GNAZ: variants seen among roughly 807,000 people sequenced by gnomAD.
GNAZ encodes G protein subunit alpha z, also known as guanine nucleotide-binding protein G(z) subunit alpha.
In GNAZ, 3 loss-of-function variants were observed where a neutral mutation model predicts 25.4. That is an observed-to-expected ratio of 0.12 (90% CI 0.05 to 0.30). The LOEUF (loss-of-function observed/expected upper bound fraction) is 0.30, where lower values mean the gene tolerates loss of function less well. GNAZ is among the 10% of genes least tolerant of loss of function. The pLI is 1.00. For missense variants in GNAZ, 241 were observed against 501.8 expected, an observed-to-expected ratio of 0.48 and a Z score of 4.97; for synonymous variants, 211 against 205.7, an observed-to-expected ratio of 1.03 and a Z score of -0.22.
At chr22:23,108,048 G>A (rs1422946447) in intron 2 of GNAZ, among the ~76,000 whole-genome samples, 2 of 152,136 alleles carry the variant, frequency 1.3e-5, no homozygotes, top group African/African-American at 4.8e-5. Context: ...CTGGGTGTGA[G>A]GCCTGTGCCC....
intron 2 of GNAZ, among the ~76,000 whole-genome samples, chr22:23,103,664 G>A (rs751902571): frequency 6.6e-6 from 1 of 152,230 alleles, no homozygotes; most frequent in Non-Finnish European, 1.5e-5. Context: ...ACCACAAGCT[G>A]GGGGCCATCT....
At chr22:23,105,664 C>T (rs574958772) in intron 2 of GNAZ, among the ~76,000 whole-genome samples, 2 of 152,344 alleles carry the variant, frequency 1.3e-5, no homozygotes, top group Admixed American at 6.5e-5. Context: ...ATGGTGATGG[C>T]GTGCAAGCTC....
At chr22:23,072,268 C>T (rs1053874337) in intron 1 of GNAZ, among the ~76,000 whole-genome samples, 20 of 152,052 alleles carry the variant, frequency 1.3e-4, no homozygotes, top group African/African-American at 4.6e-4. Flanking sequence ...GAGCAGTAAT[C>T]GTGGCAGCCT....
chr22:23,115,953 G>A (rs999747555), intron 2 of GNAZ, among the ~76,000 whole-genome samples: 2 of 152,220 alleles, frequency 1.3e-5, no homozygotes, highest in East Asian at 1.9e-4. Context: ...AAGGCAGTGC[G>A]GTTGGCTGAG....
chr22:23,094,616 A>G (rs2069072948), intron 1 of GNAZ, among the ~76,000 whole-genome samples: 1 of 152,166 alleles, frequency 6.6e-6, no homozygotes. Context: ...GCCCCTGCCC[A>G]CTGTGCTTAG....
In GNAZ at chr22:23,123,195, A is replaced by G. The variant is rs1401045732; in HGVS notation, c.832A>G (p.Lys278Glu). Residue 278 changes from lysine (K) to glutamate (E), a missense_variant, in exon 3 of 3, where the codon AAG (lysine) becomes GAG (glutamate). Coordinates refer to ENST00000615612, the MANE Select transcript of GNAZ (RefSeq NM_002073.4). ...FLNKKDLLAE[K>E]IRRIPLTICF... ...GAACAAGAAGGACCTGCTGGCAGAGAAGATCCGCCGCATCCCGCTCACCAT... is the reference window on the plus strand; with the variant it reads ...GAACAAGAAGGACCTGCTGGCAGAGGAGATCCGCCGCATCCCGCTCACCAT... The G allele has an allele frequency of 6.2e-7, 1 of 1,613,802 alleles. No homozygotes were observed. Among genetic ancestry groups the G allele is most frequent in the Non-Finnish European group, 8.5e-7 (1 of 1,179,810 alleles).
At chr22:23,113,654 C>T (rs2069724137) in intron 2 of GNAZ, among the ~76,000 whole-genome samples, 1 of 152,256 alleles carries the variant, frequency 6.6e-6, no homozygotes, top group Non-Finnish European at 1.5e-5. Flanking sequence ...AGGGGGCCAA[C>T]ACCACAGGCC....
Position 23,095,767 on chromosome 22 carries a change from C to T in GNAZ, c.72C>T (p.Arg24=), listed in dbSNP as rs750672970. 1.2e-6 allele frequency: 2 copies of T among 1,613,034 alleles called. No homozygotes were observed. Among genetic ancestry groups the T allele is most frequent in the Admixed American group, 3.3e-5 (2 of 60,024 alleles). The change falls in exon 2 of 3, where the codon CGC becomes CGT. Residue 24 remains arginine, a synonymous_variant. Transcript: ENST00000615612. ...CCCGGAGAATTGACCGCCACCTGCGCTCAGAGAGCCAGCGGCAACGCCGCG... is the reference window on the plus strand; with the variant it reads ...CCCGGAGAATTGACCGCCACCTGCGTTCAGAGAGCCAGCGGCAACGCCGCG... The part of the protein sequence containing the change: ...RRSRRIDRHL[R]SESQRQRREI...
At chr22:23,102,056 T>G (rs764162184) in intron 2 of GNAZ, among the ~76,000 whole-genome samples, 1 of 152,234 alleles carries the variant, frequency 6.6e-6, no homozygotes, top group Non-Finnish European at 1.5e-5. Context: ...GGGCCACCCG[T>G]GGCCTAGAGG....
chr22:23,101,381 T>C (rs1189135382), intron 2 of GNAZ, among the ~76,000 whole-genome samples: 1 of 152,176 alleles, frequency 6.6e-6, no homozygotes, highest in African/African-American at 2.4e-5. Context: ...GGGTATAGAC[T>C]GGGTTCCACC....
At chr22:23,109,073 G>A (rs2069567071) in intron 2 of GNAZ, among the ~76,000 whole-genome samples, 1 of 152,198 alleles carries the variant, frequency 6.6e-6, no homozygotes. Context: ...GTCTTCATGA[G>A]GCCTGGACAG....
chr22:23,070,976 G>T (rs891551738), intron 1 of GNAZ, among the ~76,000 whole-genome samples: 1 of 152,132 alleles, frequency 6.6e-6, no homozygotes, highest in Non-Finnish European at 1.5e-5. Context: ...CTCCCTAGGG[G>T]GAGGATCAGG....
intron 2 of GNAZ, chr22:23,122,228 T>C (rs934585946): frequency 6.6e-6 from 1 of 152,280 alleles, no homozygotes; most frequent in Non-Finnish European, 1.5e-5. Flanking sequence ...AAGAGCATCA[T>C]GCTTCTTAAA....
chr22:23,076,592 C>G (rs1161276443), intron 1 of GNAZ, among the ~76,000 whole-genome samples: 2 of 152,224 alleles, frequency 1.3e-5, no homozygotes, highest in Admixed American at 1.3e-4. Context: ...GTGGGTTACT[C>G]TCAAGCCAGA....
intron 1 of GNAZ, among the ~76,000 whole-genome samples, chr22:23,094,603 GCAGC>G (rs1398287917): frequency 1.3e-5 from 2 of 152,210 alleles, no homozygotes; most frequent in African/African-American, 4.8e-5. Context: ...CAGGAGTGAG[GCAGC>G]CCCTGCCCAC....
chr22:23,118,949 T>C (rs1453969155), intron 2 of GNAZ, among the ~76,000 whole-genome samples: 1 of 152,106 alleles, frequency 6.6e-6, no homozygotes, highest in African/African-American at 2.4e-5. Flanking sequence ...GCCAGATGGG[T>C]GCAGGAGGCA....
chr22:23,096,207 C>G lies in GNAZ; in HGVS notation c.512C>G (p.Thr171Ser), dbSNP rs2069118392. ...ATCGCCGCAGCTGACTATATCCCCA[C>G]TGTCGAGGACATCCTGCGCTCCCGG... ...ERIAAADYIP[T>S]VEDILRSRDM... The change falls in exon 2 of 3, where the codon ACT (threonine) becomes AGT (serine). Residue 171 changes from threonine (T) to serine (S), a missense_variant. Physicochemically the swap from Thr to Ser is moderately conservative, Grantham distance 58 (BLOSUM62 1). Transcript: ENST00000615612. 6.2e-7 allele frequency: 1 copy of G among 1,613,762 alleles called. No homozygotes were observed. Among genetic ancestry groups the G allele is most frequent in the East Asian group, 2.2e-5 (1 of 44,882 alleles).
chr22:23,093,138 TGTTCTGCCCACTGTGTGCTGGA>T (rs1183225750), intron 1 of GNAZ, among the ~76,000 whole-genome samples: 1 of 152,244 alleles, frequency 6.6e-6, no homozygotes, highest in Admixed American at 6.5e-5. Flanking sequence ...TTTAAGCAGA[TGTTCTGCCCACTGTGTGCTGGA>T]GTGGGAGGGT....
chr22:23,114,453 C>CT (rs751550015), intron 2 of GNAZ, among the ~76,000 whole-genome samples: 79 of 152,218 alleles, frequency 5.2e-4, no homozygotes, highest in Non-Finnish European at 8.8e-4. Flanking sequence ...CCAGCCCCTC[C>CT]TGCAATGCCT....
Sources: allele counts gnomAD v4.1 joint callset (sites outside exome capture counted in the v4.1 genomes callset), GRCh38; gene constraint gnomAD v4.1.1; transcripts MANE v1.5; gene names NCBI Gene and HGNC (gene_info 2026-07-23, HGNC 2026-07-21).